The following CDC42BPA variants were observed in gnomAD, a reference collection of about 807,000 sequenced individuals.
CDC42BPA encodes CDC42 binding protein kinase alpha.
In CDC42BPA, 80 loss-of-function variants were observed where a neutral mutation model predicts 223.5. That is an observed-to-expected ratio of 0.36 (90% CI 0.30 to 0.43). The LOEUF is 0.43. Ranked by LOEUF, CDC42BPA falls within the 20% of genes least tolerant of loss-of-function variation. The pLI is 1.00. For missense variants in CDC42BPA, 1,743 were observed against 2,099.9 expected, an observed-to-expected ratio of 0.83 and a Z score of 3.32; for synonymous variants, 694 against 718.6, an observed-to-expected ratio of 0.97 and a Z score of 0.55.
At chr1:227,199,885 G>A (rs1157135255) in intron 3 of CDC42BPA, among the ~76,000 whole-genome samples, 1 of 151,932 alleles carries the variant, frequency 6.6e-6, no homozygotes, top group Non-Finnish European at 1.5e-5. Context: ...AAAACAATGA[G>A]AAAAATGCAC....
At position 227,048,925 on chromosome 1, in the gene CDC42BPA, T is replaced by C. The variant is rs143255388; in HGVS notation, c.3010-915A>G. Among the ~76,000 whole-genome samples the C allele has an allele frequency of 3.2e-3, 484 of 152,038 alleles. 3 individuals are homozygous for C. Among genetic ancestry groups the C allele is most frequent in the African/African-American group, 0.011 (465 of 41,550 alleles). On this transcript the variant is annotated intron_variant, in intron 22 of 36. Transcript: ENST00000366766. ...TATACAACCTCATCTTTGTTGTTAC[T>C]ATACAACAATCTATCTTTGTTACCA... is the stretch of plus-strand genomic sequence containing the variant.
In CDC42BPA at chr1:227,129,666, C is replaced by CAAAAAAAA. The variant is rs569879499; in HGVS notation, c.1391-443_1391-436dup. Reference sequence around the variant, plus strand: ...TGGGAGACAAAGTGAGACTGTATCTCAAAAAAAAAAAAAAAAAAAAAAAAA... The same window carrying CAAAAAAAA: ...TGGGAGACAAAGTGAGACTGTATCTCAAAAAAAAAAAAAAAAAAAAAAAAAAAAAAAAA... On this transcript the variant is annotated intron_variant, in intron 10 of 36. Transcript: ENST00000366766. Among the ~76,000 whole-genome samples the CAAAAAAAA allele has an allele frequency of 1.1e-3, 39 of 33,916 alleles. 7 individuals carry two copies. The highest frequency in any genetic ancestry group is 5.5e-3 in the East Asian group (4 of 726). The allele number at this position is 33,916 out of a possible 152,430, so 22.3% of individuals were successfully genotyped here.
At chr1:227,225,883 G>A in intron 2 of CDC42BPA, among the ~76,000 whole-genome samples, 1 of 152,208 alleles carries the variant, frequency 6.6e-6, no homozygotes, top group East Asian at 1.9e-4. Context: ...TATCAAAGGA[G>A]ATGAGTGCTT....
chr1:227,266,160 G>C (rs1684958096), intron 1 of CDC42BPA, among the ~76,000 whole-genome samples: 1 of 152,146 alleles, frequency 6.6e-6, no homozygotes, highest in South Asian at 2.1e-4. Flanking sequence ...CAGTATAATT[G>C]GTATAAGCCC....
intron 21 of CDC42BPA, among the ~76,000 whole-genome samples, chr1:227,055,328 C>T (rs932717780): frequency 1.3e-5 from 2 of 152,058 alleles, no homozygotes; most frequent in Middle Eastern, 3.4e-3. Context: ...TTTTAATTAT[C>T]GCCAACCAGA....
intron 5 of CDC42BPA, among the ~76,000 whole-genome samples, chr1:227,193,051 TGGAA>T (rs1290352538): frequency 6.7e-6 from 1 of 150,168 alleles, no homozygotes; most frequent in Non-Finnish European, 1.5e-5. Flanking sequence ...AAATGCTGAC[TGGAA>T]GTGAGAACTT....
At chr1:227,133,501 G>A (rs959167638) in intron 10 of CDC42BPA, among the ~76,000 whole-genome samples, 12 of 152,368 alleles carry the variant, frequency 7.9e-5, no homozygotes, top group Non-Finnish European at 1.5e-4. Flanking sequence ...TGATGACAAT[G>A]GCGGTTTTGT....
At chr1:227,163,032 A>G (rs76870087) in intron 5 of CDC42BPA, among the ~76,000 whole-genome samples, 106 of 23,988 alleles carry the variant, frequency 4.4e-3, no homozygotes, top group South Asian at 0.04. Context: ...TTCCAAACAT[A>G]TGTGTTTCCA....
At chr1:227,040,449 A>C (rs1671142603) in intron 23 of CDC42BPA, among the ~76,000 whole-genome samples, 1 of 152,212 alleles carries the variant, frequency 6.6e-6, no homozygotes, top group African/African-American at 2.4e-5. Flanking sequence ...TAAGAAGTTA[A>C]ATGATAATTG....
At chr1:227,303,520 C>A (rs947777302) in intron 1 of CDC42BPA, among the ~76,000 whole-genome samples, 1 of 152,188 alleles carries the variant, frequency 6.6e-6, no homozygotes, top group Non-Finnish European at 1.5e-5. Flanking sequence ...TGGCACTCAA[C>A]AGGGGAATTG....
intron 1 of CDC42BPA, among the ~76,000 whole-genome samples, chr1:227,304,370 C>T (rs1043551942): frequency 2.6e-5 from 4 of 151,296 alleles, no homozygotes; most frequent in African/African-American, 7.3e-5. Flanking sequence ...CACACCACTG[C>T]ACTCCAGCCT....
At chr1:227,151,216 T>C (rs147389196) in intron 6 of CDC42BPA, among the ~76,000 whole-genome samples, 46 of 152,302 alleles carry the variant, frequency 3.0e-4, no homozygotes, top group Non-Finnish European at 5.1e-4. Flanking sequence ...TTGAACTTGA[T>C]TACTATAGTT....
intron 2 of CDC42BPA, among the ~76,000 whole-genome samples, chr1:227,241,562 G>C (rs1680021008): frequency 6.6e-6 from 1 of 152,086 alleles, no homozygotes; most frequent in East Asian, 1.9e-4. Flanking sequence ...CTGAGTGAAA[G>C]GTGGACACAA....
chr1:227,277,376 T>G (rs1687283761), intron 1 of CDC42BPA, among the ~76,000 whole-genome samples: 1 of 152,210 alleles, frequency 6.6e-6, no homozygotes, highest in African/African-American at 2.4e-5. Flanking sequence ...GGCACCATTA[T>G]TTGAGGGACT....
Position 227,030,474 on chromosome 1 carries a change from T to C in CDC42BPA, c.3776-4A>G, listed in dbSNP as rs759369190. ...CCCAAAGCAATTCTTTCATGATCTA[T>C]GTAAGACATGAATGTGAAAGATTTT... is the stretch of plus-strand genomic sequence containing the variant. On this transcript the variant is annotated splice_region_variant and splice_polypyrimidine_tract_variant and intron_variant, in intron 28 of 36. Transcript: ENST00000366766. 18 of 1,557,902 alleles carry C rather than the reference T, an allele frequency of 1.2e-5. No homozygotes were observed. In the East Asian group the frequency reaches 3.2e-4, roughly 28 times the overall value.
chr1:227,215,639 A>AT (rs1674693014), intron 2 of CDC42BPA, among the ~76,000 whole-genome samples: 1 of 152,288 alleles, frequency 6.6e-6, no homozygotes, highest in East Asian at 1.9e-4. Flanking sequence ...TAAGCATTCA[A>AT]TAAGTGTTAG....
chr1:227,203,742 T>C (rs893616586), intron 3 of CDC42BPA, among the ~76,000 whole-genome samples: 3 of 152,196 alleles, frequency 2.0e-5, no homozygotes, highest in African/African-American at 7.2e-5. Flanking sequence ...TTTTCAACTG[T>C]TATACAGTTT....
At chr1:227,057,830 T>C (rs1674918836) in intron 21 of CDC42BPA, among the ~76,000 whole-genome samples, 1 of 152,202 alleles carries the variant, frequency 6.6e-6, no homozygotes, top group Non-Finnish European at 1.5e-5. Flanking sequence ...TTTTTTCTTA[T>C]TTCAAGATTC....
intron 16 of CDC42BPA, among the ~76,000 whole-genome samples, chr1:227,085,632 T>C (rs901983717): frequency 2.0e-5 from 3 of 152,244 alleles, no homozygotes; most frequent in African/African-American, 7.2e-5. Context: ...GTTTTATGCA[T>C]ATAGAGTTTG....
Sources: allele counts gnomAD v4.1 joint callset (sites outside exome capture counted in the v4.1 genomes callset), GRCh38; gene constraint gnomAD v4.1.1; transcripts MANE v1.5; gene names NCBI Gene and HGNC (gene_info 2026-07-23, HGNC 2026-07-21).